Variants in MRTFB observed in about 807,000 individuals in gnomAD.
The protein encoded by MRTFB is myocardin related transcription factor B, also known as myocardin-related transcription factor B.
In MRTFB, 29 loss-of-function variants were observed where a neutral mutation model predicts 104.2. The observed-to-expected ratio is 0.28, with a 90% CI of 0.21 to 0.38. The LOEUF is 0.38. Among genes scored for constraint, MRTFB ranks in the 10% least tolerant of loss-of-function variants. The pLI, the probability that MRTFB is intolerant of heterozygous loss-of-function variation, is 1.00. For synonymous variants in MRTFB, 535 were observed against 519.5 expected (o/e 1.03, Z -0.41); for missense variants, 1,270 against 1,341.6 (o/e 0.95, Z 0.83).
Position 14,240,247 on chromosome 16 carries a change from C to A in MRTFB, c.842C>A (p.Pro281His). 1 of 1,594,704 alleles carries A rather than the reference C, an allele frequency of 6.3e-7. No homozygotes were observed. Among genetic ancestry groups the A allele is most frequent in the Non-Finnish European group, 8.5e-7 (1 of 1,171,636 alleles). The change falls in exon 10 of 17, where the codon CCC (proline) becomes CAC (histidine). Residue 281 changes from proline to histidine, a missense_variant. Physicochemically the swap from Pro to His is moderately conservative, Grantham distance 77. Around this residue, in one of 3 missense-constraint regions of MRTFB, gnomAD observed 1,144 missense variants for 1,131.5 expected, o/e 1.01. Coordinates refer to ENST00000571589, the MANE Select transcript of MRTFB (RefSeq NM_001308142.2). ...PGPALVKQSH[P>H]KNPNDKHRSK... Reference sequence around the variant, plus strand: ...TTTTCTCAAAAATAGCAAAGCCATCCCAAGAATCCAAATGACAAACACCGT... The same window carrying A: ...TTTTCTCAAAAATAGCAAAGCCATCACAAGAATCCAAATGACAAACACCGT...
chr16:14,220,858 C>T (rs1567182621), intron 8 of MRTFB, among the ~76,000 whole-genome samples: 2 of 152,156 alleles, frequency 1.3e-5, no homozygotes, highest in Admixed American at 1.3e-4. Context: ...AGAAAAAAAA[C>T]CTGGAGTCAG....
intron 3 of MRTFB, chr16:14,200,743 A>C: frequency 2.0e-6 from 3 of 1,495,642 alleles, no homozygotes; most frequent in Non-Finnish European, 2.8e-6. Flanking sequence ...TTTGGTTGGG[A>C]CTTGTTGCCT....
the MRTFB span, chr16:14,019,548 A>G: frequency 2.0e-5 from 3 of 152,134 alleles, no homozygotes; most frequent in African/African-American, 7.2e-5. Context: ...TTTTTGCAAT[A>G]ATTTTCTACA....
chr16:14,082,346 G>C lies in MRTFB; in HGVS notation c.-64+2992G>C, dbSNP rs143127988. On this transcript the variant is annotated intron_variant, in intron 2 of 16. Transcript: ENST00000571589. Reference sequence around the variant, plus strand: ...CACCTTTGTCAAAAATCAGTTGACTGTAAGTGCATAGATTTATTTCTGGGT... The same window carrying C: ...CACCTTTGTCAAAAATCAGTTGACTCTAAGTGCATAGATTTATTTCTGGGT... Among the ~76,000 whole-genome samples the C allele has an allele frequency of 6.0e-3, 908 of 152,294 alleles. 9 individuals carry two copies. The highest frequency in any genetic ancestry group is 0.02 in the African/African-American group (848 of 41,554).
chr16:14,241,061 G>A (rs55671386), intron 10 of MRTFB: 35,612 of 448,184 alleles, frequency 0.079, 4,714 homozygotes, highest in African/African-American at 0.41. Flanking sequence ...GACAAAAATC[G>A]AGTACAGCCA....
intron 1 of MRTFB, among the ~76,000 whole-genome samples, chr16:14,074,219 T>C (rs998293350): frequency 1.5e-4 from 23 of 152,160 alleles, no homozygotes; most frequent in African/African-American, 5.1e-4. Flanking sequence ...GTTAGAGACA[T>C]TGAACACTTT....
At chr16:14,085,495 A>AT in intron 2 of MRTFB, among the ~76,000 whole-genome samples, 1 of 151,162 alleles carries the variant, frequency 6.6e-6, no homozygotes, top group Non-Finnish European at 1.5e-5. Context: ...AAAATACAGC[A>AT]TTTAATAATA....
At chr16:14,045,245 G>A in the MRTFB span, among the ~76,000 whole-genome samples, 2 of 152,198 alleles carry the variant, frequency 1.3e-5, no homozygotes, top group East Asian at 1.9e-4. Flanking sequence ...TGATTTTAAT[G>A]TTGTCTGTTT....
At chr16:14,009,905 C>G in the MRTFB span, 1 of 152,206 alleles carries the variant, frequency 6.6e-6, no homozygotes, top group South Asian at 2.1e-4. Context: ...TTTGCCCCTG[C>G]CACGACTCCC....
At chr16:14,196,797 C>T (rs548464331) in intron 3 of MRTFB, among the ~76,000 whole-genome samples, 2 of 152,044 alleles carry the variant, frequency 1.3e-5, no homozygotes, top group South Asian at 2.1e-4. Context: ...CAGAACAAAC[C>T]ACCATTTTAT....
chr16:14,255,350 A>G (rs1394182625), intron 15 of MRTFB, among the ~76,000 whole-genome samples: 1 of 152,260 alleles, frequency 6.6e-6, no homozygotes, highest in East Asian at 1.9e-4. Flanking sequence ...TGTTGACAAG[A>G]CAGAGAAAAT....
At chr16:14,039,232 T>C in the MRTFB span, among the ~76,000 whole-genome samples, 1 of 152,194 alleles carries the variant, frequency 6.6e-6, no homozygotes, top group Admixed American at 6.5e-5. Flanking sequence ...CAGCTCCTTA[T>C]CATATGGGCC....
intron 16 of MRTFB, among the ~76,000 whole-genome samples, chr16:14,259,154 G>A (rs963977153): frequency 6.6e-6 from 1 of 152,290 alleles, no homozygotes; most frequent in East Asian, 1.9e-4. Flanking sequence ...ACTTCAGCCG[G>A]CCAACCCCCG....
the MRTFB span, among the ~76,000 whole-genome samples, chr16:14,028,528 G>T: frequency 6.6e-6 from 1 of 152,184 alleles, no homozygotes; most frequent in African/African-American, 2.4e-5. Flanking sequence ...TGGCCATTCG[G>T]TTTGGCACAT....
chr16:14,167,613 C>G (rs2039288140), intron 3 of MRTFB, among the ~76,000 whole-genome samples: 1 of 152,118 alleles, frequency 6.6e-6, no homozygotes, highest in Non-Finnish European at 1.5e-5. Flanking sequence ...CCGAGATTTT[C>G]TTCTAGGGTT....
At chr16:14,075,575 T>C (rs1235266189) in intron 1 of MRTFB, among the ~76,000 whole-genome samples, 1 of 152,252 alleles carries the variant, frequency 6.6e-6, no homozygotes, top group Non-Finnish European at 1.5e-5. Flanking sequence ...GCTGGGCCCA[T>C]AGAATTTACA....
At chr16:14,037,041 G>A in the MRTFB span, among the ~76,000 whole-genome samples, 956 of 151,418 alleles carry the variant, frequency 6.3e-3, 8 homozygotes, top group African/African-American at 0.021. Flanking sequence ...TTTTTTTTAA[G>A]CAACAAGAAA....
intron 12 of MRTFB, chr16:14,248,622 G>T (rs1263316682): frequency 4.1e-6 from 1 of 246,370 alleles, no homozygotes. Flanking sequence ...CAGTACCTGA[G>T]CTATTATGTG....
chr16:14,221,636 T>G (rs1161018596), intron 8 of MRTFB, among the ~76,000 whole-genome samples: 8 of 152,330 alleles, frequency 5.3e-5, no homozygotes, highest in African/African-American at 1.9e-4. Context: ...CGTCTTGTCT[T>G]TCAGGGGTTC....
Sources: allele counts gnomAD v4.1 joint callset (sites outside exome capture counted in the v4.1 genomes callset), GRCh38; gene constraint gnomAD v4.1.1; regional missense constraint gnomAD v4.1.1; transcripts MANE v1.5; gene names NCBI Gene and HGNC (gene_info 2026-07-23, HGNC 2026-07-21).